The following TEAD4 variants were observed in gnomAD, a reference collection of about 807,000 sequenced individuals.
TEAD4 encodes the protein transcriptional enhancer factor TEF-3.
Under a neutral mutation model 52.4 loss-of-function variants are expected in TEAD4, and 36 were observed. The observed-to-expected ratio is 0.69, with a 90% CI of 0.53 to 0.91. The LOEUF is 0.91. TEAD4 is among the 40% of genes least tolerant of loss of function. TEAD4 has a pLI of 0.00. For missense variants in TEAD4, 508 were observed against 583.9 expected (o/e 0.87, Z 1.34); for synonymous variants, 220 against 231.0 (o/e 0.95, Z 0.43).
intron 3 of TEAD4, among the ~76,000 whole-genome samples, chr12:3,009,163 C>T (rs764117065): frequency 1.8e-4 from 27 of 152,256 alleles, no homozygotes; most frequent in Non-Finnish European, 2.9e-4. Context: ...TGCAGTGGCT[C>T]ACGCCTGTAA....
At position 3,021,986 on chromosome 12, in the gene TEAD4, C is replaced by A. The variant is rs1340612123; in HGVS notation, c.866C>A (p.Pro289His). ...CTCAAGGATCTCTTCGAACGGGGACCCTCCAATGCCTTTTTTCTTGTGAAG... is the reference window on the plus strand; with the variant it reads ...CTCAAGGATCTCTTCGAACGGGGACACTCCAATGCCTTTTTTCTTGTGAAG... Residue 289 changes from proline (P) to histidine (H), a missense_variant, in exon 10 of 13, where the codon CCC becomes CAC. Transcript: ENST00000359864. 2.5e-6 allele frequency: 4 copies of A among 1,614,234 alleles called. No homozygotes were observed. Among genetic ancestry groups the A allele is most frequent in the African/African-American group, 1.3e-5 (1 of 75,068 alleles).
intron 2 of TEAD4, among the ~76,000 whole-genome samples, chr12:2,991,060 A>G (rs1015062415): frequency 1.3e-5 from 2 of 152,146 alleles, no homozygotes; most frequent in African/African-American, 4.8e-5. Flanking sequence ...TTAGCCGGGC[A>G]TGGTGGTGCG....
chr12:2,981,342 C>G (rs2098233961), intron 2 of TEAD4, among the ~76,000 whole-genome samples: 1 of 152,252 alleles, frequency 6.6e-6, no homozygotes, highest in African/African-American at 2.4e-5. Context: ...CTCCCTTTGT[C>G]TTCCAGCTCC....
chr12:3,028,946 A>G lies in TEAD4; in HGVS notation c.897+6929A>G, dbSNP rs375372465. On this transcript the variant is annotated intron_variant, in intron 10 of 12. Transcript: ENST00000359864. ...GTCCCCAACCCCATTGCCCATTTTT[A>G]TAATAAATTGGGTTATTTTTTATTA... is the stretch of plus-strand genomic sequence containing the variant. 1.6e-4 allele frequency among the ~76,000 whole-genome samples: 25 copies of G among 152,182 alleles called. No individual in the cohort carries two copies. The East Asian group carries it at 2.1e-3, about 13-fold the overall frequency.
chr12:2,963,859 G>A (rs112531139), intron 2 of TEAD4, among the ~76,000 whole-genome samples: 28 of 152,326 alleles, frequency 1.8e-4, no homozygotes, highest in African/African-American at 5.1e-4. Context: ...TCCCTGTAGC[G>A]GGGGCTGGCT....
intron 5 of TEAD4, chr12:3,017,182 A>G: frequency 4.4e-6 from 3 of 680,950 alleles, no homozygotes; most frequent in Non-Finnish European, 2.7e-6. Flanking sequence ...CAGGGCAAGT[A>G]TCATGCCCCT....
At chr12:3,007,370 C>T (rs1005949451) in intron 3 of TEAD4, among the ~76,000 whole-genome samples, 22 of 152,152 alleles carry the variant, frequency 1.4e-4, no homozygotes, top group Admixed American at 1.2e-3. Flanking sequence ...GGCCAGGCCT[C>T]GGGCCATATT....
intron 2 of TEAD4, among the ~76,000 whole-genome samples, chr12:2,979,984 C>T (rs935045745): frequency 1.3e-5 from 2 of 152,144 alleles, no homozygotes; most frequent in African/African-American, 2.4e-5. Flanking sequence ...GAGCCTGTTC[C>T]TCTCCTCCCT....
chr12:2,961,996 T>C (rs2098215760), intron 2 of TEAD4, among the ~76,000 whole-genome samples: 1 of 151,980 alleles, frequency 6.6e-6, no homozygotes, highest in African/African-American at 2.4e-5. Context: ...GAGAACAGAG[T>C]GCCAGCTTCT....
At chr12:3,026,456 C>G (rs2098272141) in intron 10 of TEAD4, among the ~76,000 whole-genome samples, 1 of 152,254 alleles carries the variant, frequency 6.6e-6, no homozygotes, top group Non-Finnish European at 1.5e-5. Flanking sequence ...TGGCTTCTCT[C>G]TATCTGCTGT....
chr12:2,991,044 A>G (rs2098242568), intron 2 of TEAD4, among the ~76,000 whole-genome samples: 1 of 152,016 alleles, frequency 6.6e-6, no homozygotes, highest in Non-Finnish European at 1.5e-5. Context: ...TACAGTAAAT[A>G]AATAATTAGC....
intron 3 of TEAD4, among the ~76,000 whole-genome samples, chr12:2,996,873 G>A (rs1342777523): frequency 6.6e-6 from 1 of 152,076 alleles, no homozygotes; most frequent in Non-Finnish European, 1.5e-5. Context: ...GCGCCACCAC[G>A]CTCGGCTGAT....
At position 3,040,666 on chromosome 12, in the gene TEAD4, T is replaced by C; in HGVS notation, c.*188T>C. On this transcript the variant is annotated 3_prime_UTR_variant, in exon 13 of 13. Transcript: ENST00000359864. ...CCAAATAAACCCAAGATGCTGTGTA[T>C]TTTCAGAGGACCTGGTCTGGCTGTG... is the stretch of plus-strand genomic sequence containing the variant. 1 of 605,064 alleles carries C rather than the reference T, an allele frequency of 1.7e-6. No individual in the cohort carries two copies. Among genetic ancestry groups the C allele is most frequent in the Non-Finnish European group, 2.9e-6 (1 of 339,886 alleles). The allele number at this position is 605,064 out of a possible 1,614,324, so 37.5% of individuals were successfully genotyped here.
chr12:2,961,864 A>G (rs890039153), intron 2 of TEAD4, among the ~76,000 whole-genome samples: 4 of 152,070 alleles, frequency 2.6e-5, no homozygotes, highest in African/African-American at 9.7e-5. Flanking sequence ...ATGTTTATTT[A>G]GCAAACATGA....
At chr12:2,993,084 A>G (rs2153955258) in intron 2 of TEAD4, among the ~76,000 whole-genome samples, 1 of 152,330 alleles carries the variant, frequency 6.6e-6, no homozygotes, top group East Asian at 1.9e-4. Flanking sequence ...ATTATATTGT[A>G]TATGCGTTTT....
chr12:2,976,381 A>G (rs1365400997), intron 2 of TEAD4, among the ~76,000 whole-genome samples: 1 of 150,624 alleles, frequency 6.6e-6, no homozygotes, highest in East Asian at 2.0e-4. Context: ...TGTTTTTGCA[A>G]ATGGAGGCAC....
intron 2 of TEAD4, among the ~76,000 whole-genome samples, chr12:2,964,125 C>G (rs1488177419): frequency 1.3e-5 from 2 of 152,104 alleles, no homozygotes; most frequent in African/African-American, 4.8e-5. Flanking sequence ...CAAAGGGGGC[C>G]GTTGACTCAG....
intron 3 of TEAD4, among the ~76,000 whole-genome samples, chr12:2,995,891 C>T (rs1360764545): frequency 2.0e-5 from 3 of 151,884 alleles, no homozygotes; most frequent in Non-Finnish European, 4.4e-5. Context: ...GCCTGCAGTC[C>T]CAGCTACTGG....
rs1344502504 is a variant in TEAD4, at chr12:3,018,556, A to T, written c.495A>T (p.Gly165=). The stretch of plus-strand genomic sequence containing the variant: ...TTTTGCCTCCTCAGTTTTGGCAAGG[A>T]GCTTTGCCAGGCCAAGCCGGAACGT... Residue 165 remains glycine (G), a synonymous_variant, in exon 7 of 13, where the codon GGA becomes GGT. Transcript: ENST00000359864. 1 of 1,613,946 alleles carries T rather than the reference A, an allele frequency of 6.2e-7. No homozygotes were observed. Among genetic ancestry groups the T allele is most frequent in the East Asian group, 2.2e-5 (1 of 44,848 alleles).
Sources: gnomAD v4.1 joint callset for allele counts (sites outside exome capture counted in the v4.1 genomes callset) on GRCh38, gnomAD v4.1.1 for gene constraint, MANE v1.5 for transcripts, NCBI Gene and HGNC (gene_info 2026-07-23, HGNC 2026-07-21) for gene names.